Variants in ZNF251 observed in about 807,000 individuals in gnomAD.
The protein encoded by ZNF251 is zinc finger protein 251.
Under a neutral mutation model 13.5 loss-of-function variants are expected in ZNF251, and 14 were observed. The observed-to-expected ratio is 1.04, with a 90% CI of 0.69 to 1.63. The LOEUF is 1.63. Ranked by LOEUF, ZNF251 falls within the 40% of genes most tolerant of loss-of-function variation. The probability of loss-of-function intolerance (pLI) is 0.00; values close to 1 mark genes in which losing one functional copy is unlikely to be tolerated. For missense variants in ZNF251, 764 were observed against 834.9 expected (o/e 0.92, Z 1.05); for synonymous variants, 287 against 295.2 (o/e 0.97, Z 0.28).
intron 4 of ZNF251, among the ~76,000 whole-genome samples, chr8:144,742,847 C>G (rs1442981541): frequency 6.6e-6 from 1 of 152,184 alleles, no homozygotes; most frequent in Non-Finnish European, 1.5e-5. Context: ...AGTTCCACAG[C>G]TGGCCTTTCA....
rs944440883 is a variant in ZNF251, at chr8:144,755,512, G to A, written c.-183C>T. Reference sequence around the variant, plus strand: ...AGAACCGGGTCCAGAGCCGGGGAGGGGGCGGGCTAGGATGAAGAGGGCGGG... The same window carrying A: ...AGAACCGGGTCCAGAGCCGGGGAGGAGGCGGGCTAGGATGAAGAGGGCGGG... On this transcript the variant is annotated 5_prime_UTR_variant, in exon 1 of 5. Coordinates refer to ENST00000292562, the MANE Select transcript of ZNF251 (RefSeq NM_138367.2). 7 of 1,286,318 alleles carry A rather than the reference G, an allele frequency of 5.4e-6. No individual in the cohort carries two copies. In the East Asian group the frequency reaches 3.3e-4, roughly 61 times the overall value. 79.7% of individuals were successfully genotyped at this position (1,286,318 alleles called of 1,614,324 possible). A position where few individuals can be genotyped will look rare whatever the true frequency, so the allele number is the denominator to read the frequency against.
chr8:144,731,749 G>C (rs1823701239), intron 4 of ZNF251, among the ~76,000 whole-genome samples: 1 of 152,012 alleles, frequency 6.6e-6, no homozygotes, highest in Non-Finnish European at 1.5e-5. Flanking sequence ...ACCACGCCCT[G>C]CTGATTTTTT....
intron 4 of ZNF251, among the ~76,000 whole-genome samples, chr8:144,727,976 A>G (rs1426401370): frequency 6.6e-6 from 1 of 152,160 alleles, no homozygotes; most frequent in Non-Finnish European, 1.5e-5. Context: ...CCACGCCTGA[A>G]GAAGTTTTGC....
rs528238900 is a variant in ZNF251 at position 144,729,307 on chromosome 8, A to G, written c.278-5925T>C. On this transcript the variant is annotated intron_variant, in intron 4 of 4. Coordinates refer to ENST00000292562, the MANE Select transcript of ZNF251 (RefSeq NM_138367.2). ...TGCGTAGTGCCCTTTTAGCAAGCAT[A>G]TAAGATTCCTTTTATTTATTTATTT... 9.3e-5 allele frequency among the ~76,000 whole-genome samples: 14 copies of G among 151,180 alleles called. No individual in the cohort carries two copies. The East Asian group carries it at 1.8e-3, about 19-fold the overall frequency.
intron 4 of ZNF251, chr8:144,730,199 G>C: frequency 1.2e-6 from 1 of 823,300 alleles, no homozygotes; most frequent in Non-Finnish European, 1.5e-6. Context: ...CTCCAGGCGC[G>C]GGGCCCAGAG....
intron 4 of ZNF251, among the ~76,000 whole-genome samples, chr8:144,732,545 G>C (rs149447980): frequency 6.6e-6 from 1 of 152,136 alleles, no homozygotes; most frequent in Non-Finnish European, 1.5e-5. Flanking sequence ...GGGCGCGGTG[G>C]CTCACGCCTG....
At chr8:144,745,557 G>A (rs775884778) in intron 4 of ZNF251, among the ~76,000 whole-genome samples, 6 of 151,198 alleles carry the variant, frequency 4.0e-5, no homozygotes, top group South Asian at 2.1e-4. Flanking sequence ...AGTTTTTTTC[G>A]TTTTTTAGAG....
intron 4 of ZNF251, among the ~76,000 whole-genome samples, chr8:144,741,624 T>C (rs1382589012): frequency 6.6e-6 from 1 of 151,866 alleles, no homozygotes; most frequent in Admixed American, 6.6e-5. Flanking sequence ...AACAGGAAAA[T>C]CTCAGGGAGT....
chr8:144,754,859 G>C (rs1318766965), intron 1 of ZNF251, 56 bp from the exon 2 acceptor site: 2 of 1,480,082 alleles, frequency 1.4e-6, no homozygotes, highest in Admixed American at 5.2e-5. Context: ...TGGAAGGATG[G>C]CCAGGAGGCA....
intron 4 of ZNF251, among the ~76,000 whole-genome samples, chr8:144,743,033 T>C (rs1401743879): frequency 6.6e-6 from 1 of 152,226 alleles, no homozygotes; most frequent in Non-Finnish European, 1.5e-5. Context: ...GGTTCCTCTA[T>C]GTCTTTTCAT....
chr8:144,754,912 G>A (rs1057032814), intron 1 of ZNF251, 109 bp from the exon 2 acceptor site: 71 of 1,440,762 alleles, frequency 4.9e-5, no homozygotes, highest in African/African-American at 8.6e-5. Flanking sequence ...CGGGAGGCAG[G>A]TCACTATGCA....
chr8:144,729,397 C>T (rs1272057332), intron 4 of ZNF251, among the ~76,000 whole-genome samples: 23 of 149,074 alleles, frequency 1.5e-4, no homozygotes, highest in East Asian at 1.4e-3. Context: ...AGTGCAGTGG[C>T]GCAATCTCGG....
intron 4 of ZNF251, among the ~76,000 whole-genome samples, chr8:144,743,913 CTGAGT>C (rs1301705529): frequency 4.6e-5 from 7 of 151,948 alleles, no homozygotes; most frequent in Non-Finnish European, 7.4e-5. Flanking sequence ...CATTTTCTTA[CTGAGT>C]TTTTTGTGTA....
chr8:144,725,087 C>T (rs1823480563), intron 4 of ZNF251, among the ~76,000 whole-genome samples: 2 of 152,240 alleles, frequency 1.3e-5, no homozygotes, highest in South Asian at 2.1e-4. Flanking sequence ...GATCTCGGCT[C>T]ACCACAACCT....
chr8:144,742,107 A>G (rs2130022861), intron 4 of ZNF251, among the ~76,000 whole-genome samples: 1 of 152,240 alleles, frequency 6.6e-6, no homozygotes, highest in South Asian at 2.1e-4. Context: ...AGAGTGACCC[A>G]CGACACACCA....
At chr8:144,754,667 G>A (rs750459509) in intron 2 of ZNF251, 29 bp downstream of exon 2, 4 of 1,594,280 alleles carry the variant, frequency 2.5e-6, no homozygotes, top group East Asian at 2.2e-5. Flanking sequence ...TGAAGATGAA[G>A]AGGTGGGCAG....
Position 144,755,394 on chromosome 8 carries a change from C to T in ZNF251, c.-76+11G>A. ...CGCTTGGCGCTCCTTCCTGGTCCGA[C>T]ACTGCCCCACCTGTTTGCTCGACCC... On this transcript the variant is annotated intron_variant, in intron 1 of 4. Transcript: ENST00000292562. 1.6e-6 allele frequency: 2 copies of T among 1,288,324 alleles called. No individual in the cohort carries two copies. Among genetic ancestry groups the T allele is most frequent in the South Asian group, 2.4e-5 (2 of 81,642 alleles). The allele number at this position is 1,288,324 out of a possible 1,614,324, so 79.8% of individuals were successfully genotyped here. A position where few individuals can be genotyped will look rare whatever the true frequency, so the allele number is the denominator to read the frequency against.
intron 4 of ZNF251, among the ~76,000 whole-genome samples, chr8:144,742,206 G>A (rs1824193874): frequency 1.3e-5 from 2 of 151,716 alleles, no homozygotes; most frequent in South Asian, 2.1e-4. Context: ...AGTGCTGAAT[G>A]GGAAAAGGAA....
chr8:144,731,201 T>C (rs143246571), intron 4 of ZNF251, among the ~76,000 whole-genome samples: 242 of 152,312 alleles, frequency 1.6e-3, no homozygotes, highest in African/African-American at 5.5e-3. Flanking sequence ...CACAGGAGCC[T>C]TGCTCCCCTG....
Sources: allele counts gnomAD v4.1 joint callset (sites outside exome capture counted in the v4.1 genomes callset), GRCh38; gene constraint gnomAD v4.1.1; transcripts MANE v1.5; gene names NCBI Gene and HGNC (gene_info 2026-07-23, HGNC 2026-07-21).